CHM: variants seen among roughly 807,000 people sequenced by gnomAD.
CHM encodes rab proteins geranylgeranyltransferase component A 1.
Under a neutral mutation model 49.0 loss-of-function variants are expected in CHM, and 10 were observed. The ratio of observed to expected loss-of-function variants is 0.20; its 90% CI spans 0.13 to 0.35. The LOEUF (loss-of-function observed/expected upper bound fraction) is 0.35, where lower values mean the gene tolerates loss of function less well. Ranked by LOEUF, CHM falls within the 10% of genes least tolerant of loss-of-function variation. CHM has a pLI of 1.00. For synonymous variants in CHM, 184 were observed against 167.5 expected, an observed-to-expected ratio of 1.10 and a Z score of -0.76; for missense variants, 455 against 478.4, an observed-to-expected ratio of 0.95 and a Z score of 0.46.
chrX:86,017,469 T>G lies in CHM; in HGVS notation c.116+10022A>C, dbSNP rs768598915. ...GGTTTCCCCCATACTGTTCTCATGGTAGTGAATAAGTCTCACGAGATCTGA... is the reference window on the plus strand; with the variant it reads ...GGTTTCCCCCATACTGTTCTCATGGGAGTGAATAAGTCTCACGAGATCTGA... On this transcript the variant is annotated intron_variant, in intron 2 of 14. Coordinates refer to ENST00000357749, the MANE Select transcript of CHM (RefSeq NM_000390.4). Among the ~76,000 whole-genome samples, 5 of 111,725 alleles carry G rather than the reference T, an allele frequency of 4.5e-5. No individual in the cohort carries two copies. In the South Asian group the frequency reaches 1.9e-3, roughly 42 times the overall value.
chrX:86,011,331 G>C (rs925598384), intron 2 of CHM, among the ~76,000 whole-genome samples: 1 of 111,565 alleles, frequency 9.0e-6, no homozygotes, highest in East Asian at 2.8e-4. Flanking sequence ...GATGGGTCCT[G>C]AAGGAGGAGA....
At chrX:85,979,316 G>C (rs895805327) in intron 3 of CHM, among the ~76,000 whole-genome samples, 1 of 110,447 alleles carries the variant, frequency 9.1e-6, no homozygotes, top group Admixed American at 9.6e-5. Context: ...AAATAACTTC[G>C]TTCTATTTAT....
intron 13 of CHM, among the ~76,000 whole-genome samples, chrX:85,877,601 T>C (rs941219420): frequency 3.1e-4 from 35 of 111,861 alleles, no homozygotes; most frequent in African/African-American, 9.4e-4. Context: ...ACTGGAATGA[T>C]TGTAACACTG....
At chrX:85,894,648 G>A (rs1405407630) in intron 11 of CHM, among the ~76,000 whole-genome samples, 1 of 111,419 alleles carries the variant, frequency 9.0e-6, no homozygotes, top group Non-Finnish European at 1.9e-5. Context: ...GAGCATGTTA[G>A]ATTTTAGATA....
chrX:86,028,774 T>C (rs1017664436), intron 1 of CHM, among the ~76,000 whole-genome samples: 3 of 111,592 alleles, frequency 2.7e-5, no homozygotes, highest in Non-Finnish European at 5.6e-5. Flanking sequence ...TTTAAAAGTT[T>C]AGTGCAATTC....
rs150609839 is a variant in CHM at position 85,877,717 on chromosome X, C to T, written c.1609+1248G>A. On this transcript the variant is annotated intron_variant, in intron 13 of 14. Transcript: ENST00000357749. The stretch of plus-strand genomic sequence containing the variant: ...ATCTCATGTACCCAATAAATATATA[C>T]GCCTAGTATGTACCCATAAAATTAA... Among the ~76,000 whole-genome samples the T allele has an allele frequency of 7.1e-3, 749 of 105,629 alleles. 7 individuals are homozygous for T. Among genetic ancestry groups the T allele is most frequent in the African/African-American group, 0.025 (725 of 29,314 alleles). 91.7% of individuals were successfully genotyped at this position (105,629 alleles called of 115,157 possible). A position where few individuals can be genotyped will look rare whatever the true frequency, so the allele number is the denominator to read the frequency against.
At chrX:86,032,835 C>T (rs768514179) in intron 1 of CHM, among the ~76,000 whole-genome samples, 2 of 111,331 alleles carry the variant, frequency 1.8e-5, no homozygotes, top group South Asian at 7.6e-4. Context: ...TTTCCTCCAT[C>T]ATGACTTTCA....
At chrX:85,983,686 A>C (rs1338974312) in intron 2 of CHM, among the ~76,000 whole-genome samples, 2 of 111,948 alleles carry the variant, frequency 1.8e-5, no homozygotes, top group African/African-American at 6.5e-5. Context: ...GAAAGCTTCA[A>C]GATCAAAGTA....
intron 2 of CHM, among the ~76,000 whole-genome samples, chrX:86,003,442 G>A (rs1362633290): frequency 8.9e-6 from 1 of 112,042 alleles, no homozygotes; most frequent in Non-Finnish European, 1.9e-5. Flanking sequence ...GCTTCAGAAG[G>A]TCGGTAATAA....
intron 12 of CHM, among the ~76,000 whole-genome samples, chrX:85,883,366 C>T (rs1480620431): frequency 9.0e-6 from 1 of 111,288 alleles, no homozygotes; most frequent in East Asian, 2.8e-4. Flanking sequence ...TGTAATATAG[C>T]ACAAATGAGG....
At chrX:86,022,344 T>A (rs1255901249) in intron 2 of CHM, among the ~76,000 whole-genome samples, 1 of 111,723 alleles carries the variant, frequency 9.0e-6, no homozygotes, top group Non-Finnish European at 1.9e-5. Flanking sequence ...TAAAATGAAT[T>A]TTAAATGATA....
At chrX:85,883,810 T>C (rs1351204046) in intron 12 of CHM, among the ~76,000 whole-genome samples, 1 of 110,646 alleles carries the variant, frequency 9.0e-6, no homozygotes, top group Non-Finnish European at 1.9e-5. Flanking sequence ...CATATATATA[T>C]TTCACATTAT....
intron 8 of CHM, among the ~76,000 whole-genome samples, chrX:85,944,410 G>C (rs1386826579): frequency 2.7e-5 from 3 of 111,792 alleles, no homozygotes; most frequent in African/African-American, 9.7e-5. Flanking sequence ...CTATATAAAT[G>C]CACAAATTCC....
At chrX:85,871,304 C>CAAAAAAAAAAAAAAAAAAAAAAAA (rs150005971) in intron 14 of CHM, among the ~76,000 whole-genome samples, 1 of 62,096 alleles carries the variant, frequency 1.6e-5, no homozygotes, top group Admixed American at 2.1e-4. Flanking sequence ...AAGACTGTCT[C>CAAAAAAAAAAAAAAAAAAAAAAAA]AAAAAAAAAA....
At chrX:86,007,040 T>C (rs958439398) in intron 2 of CHM, among the ~76,000 whole-genome samples, 2 of 111,754 alleles carry the variant, frequency 1.8e-5, no homozygotes, top group African/African-American at 6.5e-5. Context: ...CAAAACAGCA[T>C]GGCACTGGTA....
chrX:85,955,913 C>T (rs1450636229), intron 8 of CHM, among the ~76,000 whole-genome samples: 2 of 111,819 alleles, frequency 1.8e-5, no homozygotes, highest in African/African-American at 3.2e-5. Context: ...TACTTTCCAT[C>T]ATGCTATTGA....
chrX:86,014,757 G>A (rs756549724), intron 2 of CHM, among the ~76,000 whole-genome samples: 10 of 111,959 alleles, frequency 8.9e-5, no homozygotes, highest in African/African-American at 2.3e-4. Flanking sequence ...TGGCCAAGGC[G>A]GGCGGATCAC....
intron 11 of CHM, among the ~76,000 whole-genome samples, chrX:85,897,257 GTA>G (rs754745311): frequency 5.2e-5 from 5 of 96,894 alleles, no homozygotes; most frequent in East Asian, 3.1e-4. Flanking sequence ...ATAGAAAGTA[GTA>G]TATATATATA....
chrX:85,958,170 C>T (rs1175626946), intron 6 of CHM, among the ~76,000 whole-genome samples, 195 bp from the exon 7 acceptor site: 1 of 111,950 alleles, frequency 8.9e-6, no homozygotes, highest in Non-Finnish European at 1.9e-5. Flanking sequence ...TTACTTAATT[C>T]TGCCAAGTTA....
Sources: gnomAD v4.1 joint callset for allele counts (sites outside exome capture counted in the v4.1 genomes callset) on GRCh38, gnomAD v4.1.1 for gene constraint, MANE v1.5 for transcripts, NCBI Gene and HGNC (gene_info 2026-07-23, HGNC 2026-07-21) for gene names.